CNTNAP2: variants seen among roughly 807,000 people sequenced by gnomAD.
CNTNAP2 encodes the protein contactin-associated protein-like 2.
Under a neutral mutation model 155.2 loss-of-function variants are expected in CNTNAP2, and 98 were observed. That is an observed-to-expected ratio of 0.63 (90% confidence interval 0.54 to 0.75). The LOEUF (loss-of-function observed/expected upper bound fraction) is 0.75. Ranked by LOEUF, CNTNAP2 falls within the 30% of genes least tolerant of loss-of-function variation. The pLI is 0.00. For synonymous variants in CNTNAP2, 651 were observed against 631.2 expected (o/e 1.03, Z -0.47); for missense variants, 1,727 against 1,688.1 (o/e 1.02, Z -0.40).
chr7:147,741,286 A>T (rs987629611), intron 13 of CNTNAP2, among the ~76,000 whole-genome samples: 4 of 152,212 alleles, frequency 2.6e-5, no homozygotes, highest in African/African-American at 9.6e-5. Flanking sequence ...CACTGGCTTC[A>T]TGTACTTGCC....
At chr7:147,139,777 C>T (rs1160801602) in intron 8 of CNTNAP2, among the ~76,000 whole-genome samples, 1 of 152,046 alleles carries the variant, frequency 6.6e-6, no homozygotes, top group African/African-American at 2.4e-5. Context: ...CCTTTGGAAA[C>T]TCAGTATCAT....
At chr7:147,590,014 G>A (rs912479646) in intron 12 of CNTNAP2, among the ~76,000 whole-genome samples, 2 of 152,044 alleles carry the variant, frequency 1.3e-5, no homozygotes, top group African/African-American at 4.8e-5. Context: ...GGCAGCTACT[G>A]AACTCTGTCA....
rs1029464983 is a variant in CNTNAP2, at chr7:146,635,919, A to G, written c.98-138352A>G. On this transcript the variant is annotated intron_variant, in intron 1 of 23. Coordinates refer to ENST00000361727, the MANE Select transcript of CNTNAP2 (RefSeq NM_014141.6). Reference sequence around the variant, plus strand: ...CTAGCCAGGAGTCAATAAATGGGGCAGGAAAAAGGAGGGACTGTTCCAGTG... The same window carrying G: ...CTAGCCAGGAGTCAATAAATGGGGCGGGAAAAAGGAGGGACTGTTCCAGTG... Among the ~76,000 whole-genome samples the G allele has an allele frequency of 2.6e-5, 4 of 152,178 alleles. No individual in the cohort carries two copies. In the East Asian group the frequency reaches 5.8e-4, roughly 22 times the overall value.
chr7:147,310,602 G>C (rs1795105957), intron 9 of CNTNAP2, among the ~76,000 whole-genome samples: 1 of 152,096 alleles, frequency 6.6e-6, no homozygotes, highest in African/African-American at 2.4e-5. Flanking sequence ...TATGTGATAG[G>C]TGTCAAGTGA....
intron 10 of CNTNAP2, among the ~76,000 whole-genome samples, chr7:147,407,467 CAAAAAAAAAAAAAAAAAAA>C (rs768738493): frequency 4.6e-5 from 3 of 64,864 alleles, no homozygotes; most frequent in South Asian, 7.4e-4. Context: ...GACTCCCTCT[CAAAAAAAAAAAAAAAAAAA>C]AAAAAAAAAA....
intron 8 of CNTNAP2, among the ~76,000 whole-genome samples, chr7:147,280,657 T>C (rs536661201): frequency 5.9e-5 from 9 of 152,060 alleles, no homozygotes; most frequent in African/African-American, 2.2e-4. Context: ...AGCTATTCAT[T>C]GCTTAATAAA....
rs148200202 is a variant in CNTNAP2, at chr7:146,499,680, G to A, written c.98-274591G>A. Among the ~76,000 whole-genome samples, 15 of 152,088 alleles carry A rather than the reference G, an allele frequency of 9.9e-5. No individual in the cohort carries two copies. In the East Asian group the frequency reaches 2.9e-3, roughly 29 times the overall value. The stretch of plus-strand genomic sequence containing the variant: ...TTGTTCAACTCCTACTTATGAGTGA[G>A]AACATGCGGTGTTTGGTTACCTGTT... On this transcript the variant is annotated intron_variant, in intron 1 of 23. Transcript: ENST00000361727.
intron 13 of CNTNAP2, among the ~76,000 whole-genome samples, chr7:147,825,992 A>G (rs1266557698): frequency 6.6e-6 from 1 of 152,200 alleles, no homozygotes; most frequent in Non-Finnish European, 1.5e-5. Context: ...AGTAGGTAGT[A>G]AAATTAGGGT....
chr7:147,171,911 G>T (rs535292963), intron 8 of CNTNAP2, among the ~76,000 whole-genome samples: 8 of 151,750 alleles, frequency 5.3e-5, no homozygotes, highest in Non-Finnish European at 1.2e-4. Flanking sequence ...TGAAAAAAAC[G>T]AGAATACCTG....
chr7:147,360,524 CTTGA>C (rs532249651), intron 9 of CNTNAP2, among the ~76,000 whole-genome samples: 1 of 152,040 alleles, frequency 6.6e-6, no homozygotes, highest in Non-Finnish European at 1.5e-5. Context: ...GGCTTATTTT[CTTGA>C]TTAACTCTTA....
chr7:148,003,024 G>A (rs958312256), intron 15 of CNTNAP2, among the ~76,000 whole-genome samples: 1 of 152,194 alleles, frequency 6.6e-6, no homozygotes, highest in Non-Finnish European at 1.5e-5. Context: ...GGAGCAGTCA[G>A]TGGGCCTACA....
intron 10 of CNTNAP2, among the ~76,000 whole-genome samples, chr7:147,439,143 G>C (rs1797599088): frequency 6.6e-6 from 1 of 151,730 alleles, no homozygotes; most frequent in South Asian, 2.1e-4. Context: ...TGTTTGGTTT[G>C]TTCCTGCTTT....
intron 1 of CNTNAP2, among the ~76,000 whole-genome samples, chr7:146,665,643 TG>T (rs765694542): frequency 9.2e-5 from 14 of 151,400 alleles, no homozygotes; most frequent in Middle Eastern, 3.4e-3. Context: ...TAGCCAAATG[TG>T]GTGGCGCATG....
At chr7:147,893,867 A>G (rs547730552) in intron 13 of CNTNAP2, among the ~76,000 whole-genome samples, 1 of 152,158 alleles carries the variant, frequency 6.6e-6, no homozygotes, top group Non-Finnish European at 1.5e-5. Flanking sequence ...AAGCCAGAGA[A>G]CTTTAGGACT....
chr7:146,201,171 A>T (rs1798854011), intron 1 of CNTNAP2, among the ~76,000 whole-genome samples: 1 of 152,184 alleles, frequency 6.6e-6, no homozygotes, highest in East Asian at 1.9e-4. Flanking sequence ...GAGTGAGAAC[A>T]TACAAATATA....
At chr7:148,250,544 C>G (rs1200647065) in intron 20 of CNTNAP2, among the ~76,000 whole-genome samples, 1 of 152,202 alleles carries the variant, frequency 6.6e-6, no homozygotes, top group Admixed American at 6.5e-5. Flanking sequence ...CTCGGAGGCC[C>G]CTTTCTTCCC....
chr7:146,941,313 G>A (rs191301565), intron 3 of CNTNAP2, among the ~76,000 whole-genome samples: 158 of 151,818 alleles, frequency 1.0e-3, no homozygotes, highest in African/African-American at 3.5e-3. Context: ...TCATCTTACA[G>A]TTATAACAGG....
At chr7:146,381,193 C>G (rs1795382282) in intron 1 of CNTNAP2, among the ~76,000 whole-genome samples, 1 of 152,092 alleles carries the variant, frequency 6.6e-6, no homozygotes, top group Non-Finnish European at 1.5e-5. Flanking sequence ...CAAGCAGAGA[C>G]TCAATGCACT....
At chr7:147,016,686 G>A (rs183134369) in intron 3 of CNTNAP2, among the ~76,000 whole-genome samples, 1 of 152,192 alleles carries the variant, frequency 6.6e-6, no homozygotes, top group Non-Finnish European at 1.5e-5. Flanking sequence ...TCTGAGAGGT[G>A]ACTTTTGACA....
Sources: allele counts gnomAD v4.1 joint callset (sites outside exome capture counted in the v4.1 genomes callset), GRCh38; gene constraint gnomAD v4.1.1; transcripts MANE v1.5; gene names NCBI Gene and HGNC (gene_info 2026-07-23, HGNC 2026-07-21).